Variants in LASP1 observed in about 807,000 individuals in gnomAD.
LASP1 encodes the protein LIM and SH3 protein 1, also known as LIM and SH3 domain protein 1.
LASP1 carries 10 observed loss-of-function variants against 38.6 expected under a neutral mutation model. That is an observed-to-expected ratio of 0.26 (90% CI 0.16 to 0.44). The LOEUF (loss-of-function observed/expected upper bound fraction) is 0.44, where lower values mean the gene tolerates loss of function less well. Among genes scored for constraint, LASP1 ranks in the 20% least tolerant of loss-of-function variants. LASP1 has a pLI of 1.00. For missense variants in LASP1, 243 were observed against 375.7 expected (o/e 0.65, Z 2.92); for synonymous variants, 132 against 140.8 (o/e 0.94, Z 0.44).
intron 4 of LASP1, among the ~76,000 whole-genome samples, chr17:38,912,977 A>G (rs527401338): frequency 6.6e-6 from 1 of 152,286 alleles, no homozygotes; most frequent in South Asian, 2.1e-4. Context: ...AAACTGGCCA[A>G]GTCCTCCACC....
rs1250223841 is a variant in LASP1 at position 38,921,236 on chromosome 17, G to T, written c.*2458G>T. On this transcript the variant is annotated 3_prime_UTR_variant, in exon 7 of 7. Transcript: ENST00000318008. ...CTGGTCTTCTCTACAGTTCACAGAG[G>T]TCTTTCAGCTCATTTAATCCCAGGA... is the stretch of plus-strand genomic sequence containing the variant. The T allele has an allele frequency of 4.4e-6, 1 of 229,016 alleles. No homozygotes were observed. The allele number at this position is 229,016 out of a possible 1,614,324, so 14.2% of individuals were successfully genotyped here. A position where few individuals can be genotyped will look rare whatever the true frequency, so the allele number is the denominator to read the frequency against.
At chr17:38,901,902 A>G (rs1044907439) in intron 4 of LASP1, among the ~76,000 whole-genome samples, 1 of 151,874 alleles carries the variant, frequency 6.6e-6, no homozygotes, top group African/African-American at 2.4e-5. Flanking sequence ...AGTAGCTGGG[A>G]CTACAGGCGC....
intron 4 of LASP1, among the ~76,000 whole-genome samples, chr17:38,902,521 C>T (rs1914673351): frequency 6.6e-6 from 1 of 151,818 alleles, no homozygotes; most frequent in Non-Finnish European, 1.5e-5. Context: ...CTTTAAACCA[C>T]ACATAAAACC....
chr17:38,907,196 C>T (rs887196331), intron 4 of LASP1, among the ~76,000 whole-genome samples: 1 of 152,150 alleles, frequency 6.6e-6, no homozygotes, highest in Non-Finnish European at 1.5e-5. Context: ...AAATTTTATC[C>T]AAGTGGGCCC....
chr17:38,917,370 GTT>G, intron 6 of LASP1, among the ~76,000 whole-genome samples: 1 of 152,094 alleles, frequency 6.6e-6, no homozygotes, highest in Admixed American at 6.6e-5. Context: ...GAGGTAGAAT[GTT>G]GTCTATAGCT....
At chr17:38,896,390 C>T (rs1598113130) in intron 3 of LASP1, among the ~76,000 whole-genome samples, 1 of 152,198 alleles carries the variant, frequency 6.6e-6, no homozygotes, top group African/African-American at 2.4e-5. Context: ...CCCAGGCTCC[C>T]TCCCTTCTCA....
In LASP1 at chr17:38,918,506, C is replaced by A; in HGVS notation, c.613-99C>A. 8.2e-7 allele frequency: 1 copy of A among 1,221,770 alleles called. No homozygotes were observed. The highest frequency in any genetic ancestry group is 1.1e-6 in the Non-Finnish European group (1 of 874,080). The allele number at this position is 1,221,770 out of a possible 1,614,324, so 75.7% of individuals were successfully genotyped here. ...GCTCCATTTCTGAGTTCACTGCTCC[C>A]CCAGGCTCTGCTCCAGGGTCGTGGA... is the stretch of plus-strand genomic sequence containing the variant. On this transcript the variant is annotated intron_variant, in intron 6 of 6. Coordinates refer to ENST00000318008, the MANE Select transcript of LASP1 (RefSeq NM_006148.4). This position sits in a 1 kb window ranked among gnomAD's most constrained non-coding sequence, Gnocchi z 4.4.
intron 4 of LASP1, chr17:38,899,031 C>T (rs1278713017): frequency 1.2e-5 from 4 of 340,298 alleles, no homozygotes; most frequent in South Asian, 4.5e-5. Context: ...TCACACCCCC[C>T]GCCTCCCTGA....
At position 38,919,193 on chromosome 17, in the gene LASP1, C is replaced by T. The variant is rs1157313035; in HGVS notation, c.*415C>T. ...CCAGGTCAGGGGCTCCCTACATTCCCCAGAGTGGGATCCACTTCTTGGTTC... is the reference window on the plus strand; with the variant it reads ...CCAGGTCAGGGGCTCCCTACATTCCTCAGAGTGGGATCCACTTCTTGGTTC... On this transcript the variant is annotated 3_prime_UTR_variant, in exon 7 of 7. Transcript: ENST00000318008. 1.8e-5 allele frequency: 5 copies of T among 272,430 alleles called. No individual in the cohort carries two copies. Among genetic ancestry groups the T allele is most frequent in the East Asian group, 1.7e-4 (3 of 18,146 alleles). The allele number at this position is 272,430 out of a possible 1,614,324, so 16.9% of individuals were successfully genotyped here. A position where few individuals can be genotyped will look rare whatever the true frequency, so the allele number is the denominator to read the frequency against.
At chr17:38,874,268 G>T (rs1913693820) in intron 1 of LASP1, among the ~76,000 whole-genome samples, 1 of 152,214 alleles carries the variant, frequency 6.6e-6, no homozygotes, top group African/African-American at 2.4e-5. Context: ...TTAAAAGAGG[G>T]GGGCTCTTGC....
chr17:38,889,409 C>T (rs1914238639), intron 2 of LASP1, among the ~76,000 whole-genome samples: 1 of 152,180 alleles, frequency 6.6e-6, no homozygotes, highest in African/African-American at 2.4e-5. Context: ...GGATTACAGG[C>T]ATGAGCCACT....
intron 4 of LASP1, among the ~76,000 whole-genome samples, chr17:38,900,180 T>C (rs12946160): frequency 0.67 from 82,071 of 121,834 alleles, 26,314 homozygotes; most frequent in Middle Eastern, 0.77. Flanking sequence ...CTGGGCAACA[T>C]AGCAAAACTG....
At chr17:38,871,900 C>T (rs1913621163) in intron 1 of LASP1, among the ~76,000 whole-genome samples, 1 of 152,036 alleles carries the variant, frequency 6.6e-6, no homozygotes, top group African/African-American at 2.4e-5. Context: ...ATGAAGTCTC[C>T]CCTTGAGAAT....
chr17:38,894,048 C>T (rs887881981), intron 3 of LASP1, among the ~76,000 whole-genome samples: 1 of 152,106 alleles, frequency 6.6e-6, no homozygotes, highest in Non-Finnish European at 1.5e-5. Context: ...ACACCTGGAG[C>T]CTCCCCTGTG....
At position 38,870,148 on chromosome 17, in the gene LASP1, C is replaced by T. The variant is rs954628917; in HGVS notation, c.-42C>T. 2 of 1,609,270 alleles carry T rather than the reference C, an allele frequency of 1.2e-6. No individual in the cohort carries two copies. Among genetic ancestry groups the T allele is most frequent in the Non-Finnish European group, 1.7e-6 (2 of 1,178,236 alleles). On this transcript the variant is annotated 5_prime_UTR_variant, in exon 1 of 7. Transcript: ENST00000318008. The stretch of plus-strand genomic sequence containing the variant: ...CCAGCTCGCCTCGGGGAACAGGACG[C>T]GCGTGAGCTCAGGCGTCCCCGCCCC...
At chr17:38,903,590 A>C (rs1176062235) in intron 4 of LASP1, 3 of 152,130 alleles carry the variant, frequency 2.0e-5, no homozygotes, top group African/African-American at 7.2e-5. Flanking sequence ...TAGTCACGTG[A>C]TCACAGCTCA....
chr17:38,870,710 C>A (rs1320363702), intron 1 of LASP1, among the ~76,000 whole-genome samples: 1 of 151,974 alleles, frequency 6.6e-6, no homozygotes, highest in Non-Finnish European at 1.5e-5. Context: ...GGGGGCCCTG[C>A]AAAACCGTCC....
chr17:38,888,875 C>G (rs1914220340), intron 2 of LASP1, among the ~76,000 whole-genome samples: 2 of 102,524 alleles, frequency 2.0e-5, no homozygotes, highest in Non-Finnish European at 4.8e-5. Flanking sequence ...GCCAGGCCCT[C>G]TTCCTGGGGA....
At chr17:38,914,544 A>AAGAC (rs762554799) in intron 5 of LASP1, 69 bp downstream of exon 5, 77 of 1,510,920 alleles carry the variant, frequency 5.1e-5, no homozygotes, top group Non-Finnish European at 6.5e-5. Context: ...AAGCCAGGAG[A>AAGAC]AGACAGACAG....
Sources: gnomAD v4.1 joint callset for allele counts (sites outside exome capture counted in the v4.1 genomes callset) on GRCh38, gnomAD v4.1.1 for gene constraint, Gnocchi (gnomAD v3.1) non-coding constraint, MANE v1.5 for transcripts, NCBI Gene and HGNC (gene_info 2026-07-23, HGNC 2026-07-21) for gene names.